The following SCAP variants were observed in gnomAD, a reference collection of about 807,000 sequenced individuals.
SCAP encodes the protein sterol regulatory element-binding protein cleavage-activating protein.
In SCAP, 65 loss-of-function variants were observed where a neutral mutation model predicts 123.6. The observed-to-expected ratio is 0.53, with a 90% CI of 0.43 to 0.65. The LOEUF is 0.65. SCAP is among the 30% of genes least tolerant of loss of function. The probability of loss-of-function intolerance (pLI) is 0.00; values close to 1 mark genes in which losing one functional copy is unlikely to be tolerated. For synonymous variants in SCAP, 740 were observed against 726.3 expected (o/e 1.02, Z -0.30); for missense variants, 1,398 against 1,712.5 (o/e 0.82, Z 3.24).
intron 1 of SCAP, among the ~76,000 whole-genome samples, chr3:47,453,963 G>C (rs1325285720): frequency 6.6e-6 from 1 of 152,052 alleles, no homozygotes; most frequent in Non-Finnish European, 1.5e-5. Flanking sequence ...TTTTGTACCA[G>C]AAACATGTAA....
At chr3:47,457,995 T>C (rs1164010597) in intron 1 of SCAP, among the ~76,000 whole-genome samples, 2 of 151,846 alleles carry the variant, frequency 1.3e-5, no homozygotes, top group African/African-American at 2.4e-5. Flanking sequence ...AAGTTAATAG[T>C]ATTGAAAAAA....
chr3:47,475,572 C>G (rs1708237520), intron 1 of SCAP: 1 of 152,142 alleles, frequency 6.6e-6, no homozygotes, highest in Non-Finnish European at 1.5e-5. Flanking sequence ...ACGCGGAGCT[C>G]CAGGGGCCGG....
intron 3 of SCAP, among the ~76,000 whole-genome samples, chr3:47,433,182 A>C: frequency 6.6e-6 from 1 of 152,300 alleles, no homozygotes; most frequent in Admixed American, 6.5e-5. Context: ...TTTGGGTTGA[A>C]TTTCCTGTTC....
chr3:47,416,146 GCCA>G (rs1472754430), intron 18 of SCAP, among the ~76,000 whole-genome samples: 8 of 152,246 alleles, frequency 5.3e-5, no homozygotes, highest in African/African-American at 1.9e-4. Context: ...AGATGGTGCT[GCCA>G]CCAACAGTCA....
chr3:47,473,365 A>AC (rs372689289), intron 1 of SCAP, among the ~76,000 whole-genome samples: 176 of 152,264 alleles, frequency 1.2e-3, no homozygotes, highest in African/African-American at 4.0e-3. Flanking sequence ...CAGAATTATT[A>AC]CTCTGAGTGG....
At position 47,421,006 on chromosome 3, in the gene SCAP, C is replaced by G. The variant is rs1161468891; in HGVS notation, c.1269G>C (p.Val423=). 1 of 1,613,948 alleles carries G rather than the reference C, an allele frequency of 6.2e-7. No homozygotes were observed. Among genetic ancestry groups the G allele is most frequent in the Admixed American group, 1.7e-5 (1 of 60,022 alleles). ...AIQEFCLFAV[V]GLVSDFFLQM... ...GAAGGAAGAAGTCAGACACCAGCCC[C>G]ACGACAGCAAAGAGACAGAACTCCT... Residue 423 remains valine, a synonymous_variant, in exon 11 of 23, where the codon GTG becomes GTC. Transcript: ENST00000265565.
intron 17 of SCAP, 42 bp downstream of exon 17, chr3:47,417,262 G>C (rs1281289574): frequency 1.2e-6 from 2 of 1,612,264 alleles, no homozygotes. Flanking sequence ...ACAATCCCCG[G>C]GGCGGACAGC....
chr3:47,424,650 G>A (rs538801823), intron 8 of SCAP, among the ~76,000 whole-genome samples: 12 of 151,450 alleles, frequency 7.9e-5, no homozygotes, highest in Non-Finnish European at 1.8e-4. Flanking sequence ...CTTTGGAGCC[G>A]AAGGAAGGGA....
chr3:47,415,260 A>C, intron 18 of SCAP, 80 bp from the exon 19 acceptor site: 1 of 1,339,596 alleles, frequency 7.5e-7, no homozygotes, highest in South Asian at 1.4e-5. Context: ...ATGAGAGTTA[A>C]GGGCCAGTTC....
rs1377928317 is a variant in SCAP at position 47,435,056 on chromosome 3, A to G, written c.204T>C (p.Pro68=). The part of the protein sequence containing the change: ...TTPVKDYSPP[P]VDSDRKQGEP... ...CTCCTTGTTTGCGGTCAGAGTCCAC[A>G]GGTGGGGGCGAGTAATCCTTCACAG... The change falls in exon 3 of 23, where the codon CCT becomes CCC. Residue 68 remains proline, a synonymous_variant. Transcript: ENST00000265565. 2 of 1,613,996 alleles carry G rather than the reference A, an allele frequency of 1.2e-6. No individual in the cohort carries two copies. The highest frequency in any genetic ancestry group is 1.7e-6 in the Non-Finnish European group (2 of 1,179,996).
chr3:47,474,737 C>CA (rs1229000876), intron 1 of SCAP, among the ~76,000 whole-genome samples: 1 of 152,154 alleles, frequency 6.6e-6, no homozygotes, highest in Admixed American at 6.6e-5. Context: ...ATCAAGGCTG[C>CA]AGTGAGCCGA....
At chr3:47,425,699 G>A (rs1416446101) in intron 7 of SCAP, 88 bp from the exon 8 acceptor site, 79 of 1,449,686 alleles carry the variant, frequency 5.4e-5, no homozygotes, top group Non-Finnish European at 6.4e-5. Context: ...CCTGACAGTC[G>A]AGGAAGGGAA....
At chr3:47,473,097 A>AAAAAAAAAAAAAAAAAAAAAAAAAAT (rs1427452685) in intron 1 of SCAP, among the ~76,000 whole-genome samples, 1 of 148,428 alleles carries the variant, frequency 6.7e-6, no homozygotes, top group Non-Finnish European at 1.5e-5. Flanking sequence ...AAAAAAAAAA[A>AAAAAAAAAAAAAAAAAAAAAAAAAAT]AACAGACTGT....
chr3:47,462,394 G>C (rs555549265), intron 1 of SCAP, among the ~76,000 whole-genome samples: 21 of 152,220 alleles, frequency 1.4e-4, no homozygotes, highest in Admixed American at 3.3e-4. Context: ...GGCACACGCA[G>C]TGAAGCCTCC....
At chr3:47,471,248 T>C (rs1708015052) in intron 1 of SCAP, among the ~76,000 whole-genome samples, 1 of 151,804 alleles carries the variant, frequency 6.6e-6, no homozygotes, top group Non-Finnish European at 1.5e-5. Flanking sequence ...GTATAAAAAA[T>C]AAAATAAAAT....
Position 47,418,299 on chromosome 3 carries a change from C to G in SCAP, c.2331+22G>C, listed in dbSNP as rs531845963. ...GGCCAGGCTCCGGCCCTCCCCTACC[C>G]GGCCACTGTGCCCCTGCTCACCATG... On this transcript the variant is annotated intron_variant, in intron 15 of 22. Coordinates refer to ENST00000265565, the MANE Select transcript of SCAP (RefSeq NM_012235.4). 8.4e-5 allele frequency: 130 copies of G among 1,553,572 alleles called. 1 individual carries two copies. Among genetic ancestry groups the G allele is most frequent in the Non-Finnish European group, 1.1e-4 (125 of 1,148,904 alleles).
chr3:47,437,539 G>A (rs900963128), intron 2 of SCAP, among the ~76,000 whole-genome samples: 1 of 150,914 alleles, frequency 6.6e-6, no homozygotes, highest in Non-Finnish European at 1.5e-5. Flanking sequence ...CCAGGAGTTT[G>A]AGACCAGCCT....
intron 1 of SCAP, among the ~76,000 whole-genome samples, chr3:47,453,472 G>A (rs563415733): frequency 1.1e-3 from 172 of 152,062 alleles, no homozygotes; most frequent in Non-Finnish European, 2.2e-3. Context: ...CATATCTGAG[G>A]CCATACTTCT....
At chr3:47,426,221 G>T in intron 6 of SCAP, 52 bp from the exon 7 acceptor site, 1 of 1,565,014 alleles carries the variant, frequency 6.4e-7, no homozygotes, top group South Asian at 1.2e-5. Flanking sequence ...TTGGTTCTGG[G>T]GACAAAGACA....
Sources: gnomAD v4.1 joint callset for allele counts (sites outside exome capture counted in the v4.1 genomes callset) on GRCh38, gnomAD v4.1.1 for gene constraint, MANE v1.5 for transcripts, NCBI Gene and HGNC (gene_info 2026-07-23, HGNC 2026-07-21) for gene names.